Variants in SBSPON observed in about 807,000 individuals in gnomAD.
SBSPON encodes the protein somatomedin-B and thrombospondin type-1 domain-containing protein.
Under a neutral mutation model 35.8 loss-of-function variants are expected in SBSPON, and 30 were observed. The observed-to-expected ratio is 0.84, with a 90% confidence interval of 0.63 to 1.14. SBSPON has a LOEUF of 1.14. Among genes scored for constraint, SBSPON ranks in the 50% most tolerant of loss-of-function variants. The probability of loss-of-function intolerance (pLI) is 0.00; values close to 1 mark genes in which losing one functional copy is unlikely to be tolerated. For missense variants in SBSPON, 364 were observed against 357.7 expected (o/e 1.02, Z -0.14); for synonymous variants, 136 against 135.9 (o/e 1.00, Z 0.00).
Position 73,065,057 on chromosome 8 carries a change from TC to T in SBSPON, c.*2283del, listed in dbSNP as rs1403168813. ...CATCACTTGGACTACATGTTTCAGTTCTGAACTATTTCCCTTGGGCTTTGCT... is the reference window on the plus strand; with the variant it reads ...CATCACTTGGACTACATGTTTCAGTTTGAACTATTTCCCTTGGGCTTTGCT... On this transcript the variant is annotated 3_prime_UTR_variant, in exon 5 of 5. Coordinates refer to ENST00000297354, the MANE Select transcript of SBSPON (RefSeq NM_153225.4). 1 of 152,196 alleles carries T rather than the reference TC, an allele frequency of 6.6e-6. No individual in the cohort carries two copies. Among genetic ancestry groups the T allele is most frequent in the Non-Finnish European group, 1.5e-5 (1 of 68,044 alleles). 9.4% of individuals were successfully genotyped at this position (152,196 alleles called of 1,614,324 possible).
At chr8:73,070,283 T>C (rs1274717231) in intron 3 of SBSPON, among the ~76,000 whole-genome samples, 1 of 152,164 alleles carries the variant, frequency 6.6e-6, no homozygotes, top group African/African-American at 2.4e-5. Flanking sequence ...GATCACTAAA[T>C]TGTGCACAGA....
intron 1 of SBSPON, among the ~76,000 whole-genome samples, chr8:73,090,183 C>T (rs1810904391): frequency 6.6e-6 from 1 of 152,240 alleles, no homozygotes; most frequent in African/African-American, 2.4e-5. Context: ...CTGGCAGTAT[C>T]ATTCCGCTTT....
intron 4 of SBSPON, among the ~76,000 whole-genome samples, chr8:73,067,973 T>A (rs1452318025): frequency 1.3e-5 from 2 of 152,092 alleles, no homozygotes; most frequent in East Asian, 3.9e-4. Context: ...CTGTATTTGC[T>A]TTTCCCGTTC....
intron 2 of SBSPON, among the ~76,000 whole-genome samples, chr8:73,077,364 C>T (rs1810613260): frequency 6.6e-6 from 1 of 152,256 alleles, no homozygotes; most frequent in African/African-American, 2.4e-5. Context: ...TGCCGCGCCT[C>T]AAAGGCGCCT....
chr8:73,080,241 G>A (rs4007414), intron 2 of SBSPON, among the ~76,000 whole-genome samples: 31,808 of 152,058 alleles, frequency 0.21, 3,599 homozygotes, highest in East Asian at 0.46. Flanking sequence ...AAGGCCGGGC[G>A]CAGTGGCTCA....
rs1810356010 is a variant in SBSPON at position 73,064,732 on chromosome 8, C to A, written c.*2609G>T. ...AAAAAGAATACTGTGATTATAGTTA[C>A]CTTATTCCTTTTTCTATTCTTTTTT... On this transcript the variant is annotated 3_prime_UTR_variant, in exon 5 of 5. Transcript: ENST00000297354. 1 of 149,462 alleles carries A rather than the reference C, an allele frequency of 6.7e-6. No individual in the cohort carries two copies. Among genetic ancestry groups the A allele is most frequent in the East Asian group, 1.9e-4 (1 of 5,132 alleles). 9.3% of individuals were successfully genotyped at this position (149,462 alleles called of 1,614,324 possible). A position where few individuals can be genotyped will look rare whatever the true frequency, so the allele number is the denominator to read the frequency against.
Position 73,064,605 on chromosome 8 carries a change from C to T in SBSPON, c.*2736G>A, listed in dbSNP as rs1810354291. 6.6e-6 allele frequency: 1 copy of T among 152,190 alleles called. No homozygotes were observed. Among genetic ancestry groups the T allele is most frequent in the African/African-American group, 2.4e-5 (1 of 41,442 alleles). 9.4% of individuals were successfully genotyped at this position (152,190 alleles called of 1,614,324 possible). Reference sequence around the variant, plus strand: ...GTGCACATCTAGAAAAGATAGCTAACTGAAATTTTTATGCCAGATGATAAC... The same window carrying T: ...GTGCACATCTAGAAAAGATAGCTAATTGAAATTTTTATGCCAGATGATAAC... On this transcript the variant is annotated 3_prime_UTR_variant, in exon 5 of 5. Transcript: ENST00000297354.
At chr8:73,085,923 C>A in intron 1 of SBSPON, 1 of 152,112 alleles carries the variant, frequency 6.6e-6, no homozygotes, top group Non-Finnish European at 1.5e-5. Flanking sequence ...TGGCTTTTTG[C>A]CATCTAAAAG....
At chr8:73,075,884 TC>T in intron 2 of SBSPON, 1 of 228,246 alleles carries the variant, frequency 4.4e-6, no homozygotes, top group Non-Finnish European at 7.3e-6. Context: ...TGCAACACAT[TC>T]AGTAATGTGG....
At chr8:73,088,710 G>C (rs184812740) in intron 1 of SBSPON, among the ~76,000 whole-genome samples, 1 of 152,158 alleles carries the variant, frequency 6.6e-6, no homozygotes, top group Non-Finnish European at 1.5e-5. Flanking sequence ...GAGAAGAAGA[G>C]AGTCTAAGAG....
intron 2 of SBSPON, among the ~76,000 whole-genome samples, chr8:73,073,100 C>A (rs938764218): frequency 6.6e-6 from 1 of 152,178 alleles, no homozygotes; most frequent in Non-Finnish European, 1.5e-5. Context: ...TTTGCCTTGT[C>A]CATCACTATA....
At chr8:73,086,634 C>A (rs917335575) in intron 1 of SBSPON, among the ~76,000 whole-genome samples, 1 of 142,654 alleles carries the variant, frequency 7.0e-6, no homozygotes, top group Non-Finnish European at 1.5e-5. Context: ...CGTTATCTGG[C>A]CCCCAAAGGG....
chr8:73,080,239 G>A (rs535866077), intron 2 of SBSPON, among the ~76,000 whole-genome samples: 32 of 152,322 alleles, frequency 2.1e-4, no homozygotes, highest in Non-Finnish European at 4.1e-4. Flanking sequence ...AAAAGGCCGG[G>A]CGCAGTGGCT....
intron 2 of SBSPON, among the ~76,000 whole-genome samples, chr8:73,079,000 A>C (rs949410419): frequency 6.6e-6 from 1 of 152,148 alleles, no homozygotes; most frequent in Non-Finnish European, 1.5e-5. Context: ...CCCCCATGTT[A>C]CATAAAAGAG....
At chr8:73,068,473 C>A (rs991819947) in intron 4 of SBSPON, among the ~76,000 whole-genome samples, 1 of 152,134 alleles carries the variant, frequency 6.6e-6, no homozygotes, top group Admixed American at 6.5e-5. Flanking sequence ...TACTGAAAAC[C>A]ATAATCTATG....
chr8:73,075,368 C>T (rs1388289751), intron 2 of SBSPON, among the ~76,000 whole-genome samples: 1 of 151,466 alleles, frequency 6.6e-6, no homozygotes, highest in African/African-American at 2.4e-5. Context: ...TTTTAATACA[C>T]CCCCCCCAAA....
intron 1 of SBSPON, chr8:73,085,487 T>C (rs1391091266): frequency 1.3e-5 from 2 of 152,058 alleles, no homozygotes; most frequent in Non-Finnish European, 2.9e-5. Context: ...TGACATGGTC[T>C]GTGCCACTCA....
chr8:73,068,055 A>G (rs1185734013), intron 4 of SBSPON, among the ~76,000 whole-genome samples: 1 of 152,196 alleles, frequency 6.6e-6, no homozygotes, highest in African/African-American at 2.4e-5. Flanking sequence ...GGAGGTCTGA[A>G]CTAAATGATC....
In SBSPON at chr8:73,093,097, G is replaced by C; in HGVS notation, c.-30C>G. On this transcript the variant is annotated 5_prime_UTR_variant, in exon 1 of 5. Transcript: ENST00000297354. ...AGGGCTCCGGCGGCGCCTGCGACGC[G>C]ACAGACCCCCGGGGCAAGCGCTCTG... is the stretch of plus-strand genomic sequence containing the variant. The C allele has an allele frequency of 8.1e-7, 1 of 1,240,862 alleles. No individual in the cohort carries two copies. Among genetic ancestry groups the C allele is most frequent in the Non-Finnish European group, 1.0e-6 (1 of 973,708 alleles). The allele number at this position is 1,240,862 out of a possible 1,614,324, so 76.9% of individuals were successfully genotyped here.
Sources: gnomAD v4.1 joint callset for allele counts (sites outside exome capture counted in the v4.1 genomes callset) on GRCh38, gnomAD v4.1.1 for gene constraint, MANE v1.5 for transcripts, NCBI Gene and HGNC (gene_info 2026-07-23, HGNC 2026-07-21) for gene names.